Variants in ELAVL4 observed in about 807,000 individuals in gnomAD.
The protein encoded by ELAVL4 is ELAV-like protein 4.
A neutral mutation model predicts 35.6 loss-of-function variants in ELAVL4; 1 was observed. That is an observed-to-expected ratio of 0.03 (90% CI 0.01 to 0.13). The LOEUF (loss-of-function observed/expected upper bound fraction) is 0.13, where lower values mean the gene tolerates loss of function less well. ELAVL4 is among the 10% of genes least tolerant of loss of function. The pLI, the probability that ELAVL4 is intolerant of heterozygous loss-of-function variation, is 1.00. For synonymous variants in ELAVL4, 156 were observed against 171.0 expected, an observed-to-expected ratio of 0.91 and a Z score of 0.69; for missense variants, 267 against 464.9, an observed-to-expected ratio of 0.57 and a Z score of 3.91.
At chr1:50,087,396 T>C (rs1394274549) in intron 1 of ELAVL4, among the ~76,000 whole-genome samples, 2 of 152,214 alleles carry the variant, frequency 1.3e-5, no homozygotes, top group African/African-American at 4.8e-5. Context: ...TCTCACAATC[T>C]TCAGAGGTGT....
rs1285576866 is a variant in ELAVL4, at chr1:50,202,508, A to G, written c.*1330A>G. 1 of 152,134 alleles carries G rather than the reference A, an allele frequency of 6.6e-6. No individual in the cohort carries two copies. Among genetic ancestry groups the G allele is most frequent in the Non-Finnish European group, 1.5e-5 (1 of 67,998 alleles). 9.4% of individuals were successfully genotyped at this position (152,134 alleles called of 1,614,324 possible). On this transcript the variant is annotated 3_prime_UTR_variant, in exon 7 of 7. Transcript: ENST00000371824. ...TGTTGGTACATTTGAAACACTGTTTATGTTGCTTGAAACACTTATTTATTT... is the reference window on the plus strand; with the variant it reads ...TGTTGGTACATTTGAAACACTGTTTGTGTTGCTTGAAACACTTATTTATTT...
intron 3 of ELAVL4, among the ~76,000 whole-genome samples, chr1:50,192,563 ACT>A (rs1553190674): frequency 6.9e-6 from 1 of 144,438 alleles, no homozygotes; most frequent in South Asian, 2.2e-4. Context: ...ACACACACAC[ACT>A]CTCACCCCTA....
intron 2 of ELAVL4, among the ~76,000 whole-genome samples, chr1:50,151,612 G>A (rs1053054024): frequency 2.0e-5 from 3 of 152,160 alleles, no homozygotes; most frequent in Non-Finnish European, 4.4e-5. Flanking sequence ...ACATAAGACG[G>A]AAAGTGATTA....
intron 2 of ELAVL4, among the ~76,000 whole-genome samples, chr1:50,170,873 A>C (rs1678876194): frequency 1.3e-5 from 2 of 152,100 alleles, no homozygotes; most frequent in African/African-American, 4.8e-5. Flanking sequence ...TTTCTTAATA[A>C]ACAAATAAAT....
intron 3 of ELAVL4, among the ~76,000 whole-genome samples, chr1:50,179,386 G>A (rs1345624718): frequency 1.3e-5 from 2 of 152,164 alleles, no homozygotes; most frequent in African/African-American, 2.4e-5. Flanking sequence ...AAGTTTGAGT[G>A]ATAGGTTCCT....
Position 50,109,017 on chromosome 1 carries a change from C to CGGG in ELAVL4, c.-173_-172insGGG. The CGGG allele has an allele frequency of 5.6e-6, 3 of 539,664 alleles. No homozygotes were observed. The highest frequency in any genetic ancestry group is 6.9e-6 in the Non-Finnish European group (3 of 431,774). 33.4% of individuals were successfully genotyped at this position (539,664 alleles called of 1,614,324 possible). ...TCCTTTTCTTTTTTTTCTTTCTCTC[C>CGGG]CCCGCCCACCCCCCCAAAAATAATT... On this transcript the variant is annotated 5_prime_UTR_variant, in exon 1 of 7. Transcript: ENST00000371824.
chr1:50,162,375 T>G lies in ELAVL4; in HGVS notation c.251-14714T>G, dbSNP rs376720276. 5.6e-4 allele frequency among the ~76,000 whole-genome samples: 86 copies of G among 152,298 alleles called. 1 individual carries two copies. The highest frequency in any genetic ancestry group is 1.9e-3 in the African/African-American group (79 of 41,574). On this transcript the variant is annotated intron_variant, in intron 2 of 6. Coordinates refer to ENST00000371824, the MANE Select transcript of ELAVL4 (RefSeq NM_001144774.3). ...ACTCACGCGCCCGCCCTTAAGGAAC[T>G]TAGGGTCTATTGAGAAATACATTCA...
intron 2 of ELAVL4, among the ~76,000 whole-genome samples, chr1:50,172,566 C>T (rs1423034103): frequency 1.3e-5 from 2 of 152,160 alleles, no homozygotes; most frequent in African/African-American, 4.8e-5. Flanking sequence ...AACACAGCTA[C>T]ACTCATTTGT....
chr1:50,159,519 GA>G (rs1392583551), intron 2 of ELAVL4, among the ~76,000 whole-genome samples: 1 of 151,990 alleles, frequency 6.6e-6, no homozygotes, highest in Non-Finnish European at 1.5e-5. Flanking sequence ...TGAGGCACGA[GA>G]ATCACTTGAA....
chr1:50,114,882 A>C (rs1480560059), intron 1 of ELAVL4: 1 of 152,158 alleles, frequency 6.6e-6, no homozygotes, highest in African/African-American at 2.4e-5. Flanking sequence ...AGAACAAAAA[A>C]ATAAGACAGC....
chr1:50,066,414 T>G (rs1224757095), intron 1 of ELAVL4, among the ~76,000 whole-genome samples: 1 of 152,182 alleles, frequency 6.6e-6, no homozygotes, highest in African/African-American at 2.4e-5. Flanking sequence ...TCTTCAAGGC[T>G]TATGTTATTT....
At chr1:50,085,447 C>T (rs1245925256) in intron 1 of ELAVL4, among the ~76,000 whole-genome samples, 2 of 152,132 alleles carry the variant, frequency 1.3e-5, no homozygotes, top group African/African-American at 2.4e-5. Flanking sequence ...TAGAGAAGAG[C>T]GGCAAGTAGA....
chr1:50,061,474 A>G (rs1663968062), intron 1 of ELAVL4, among the ~76,000 whole-genome samples: 1 of 152,346 alleles, frequency 6.6e-6, no homozygotes, highest in African/African-American at 2.4e-5. Flanking sequence ...AACTCACAGT[A>G]AGACCAAATC....
chr1:50,160,374 T>C (rs978963492), intron 2 of ELAVL4, among the ~76,000 whole-genome samples: 1 of 152,208 alleles, frequency 6.6e-6, no homozygotes, highest in African/African-American at 2.4e-5. Flanking sequence ...ATTTCCTACC[T>C]GCAAGTTAAA....
chr1:50,106,532 G>A, upstream of ELAVL4: 1 of 643,714 alleles, frequency 1.6e-6, no homozygotes, highest in Non-Finnish European at 2.7e-6. Context: ...ATGACTGGGA[G>A]ACTCGCCTGC....
In ELAVL4 at chr1:50,195,551, C is replaced by A. The variant is rs1383047642; in HGVS notation, c.509-10C>A. 16 of 1,613,622 alleles carry A rather than the reference C, an allele frequency of 9.9e-6. No homozygotes were observed. The highest frequency in any genetic ancestry group is 1.4e-5 in the Non-Finnish European group (16 of 1,179,558). ...TTCACTCTTTACAAAGGCTCTTTCT[C>A]TTTCCCCAGGAGTGTCCAGAGGGGT... On this transcript the variant is annotated splice_polypyrimidine_tract_variant and intron_variant, in intron 4 of 6. Transcript: ENST00000371824.
chr1:50,174,349 C>T (rs1490938212), intron 2 of ELAVL4: 2 of 152,162 alleles, frequency 1.3e-5, no homozygotes, highest in African/African-American at 4.8e-5. Context: ...AATTCACAGG[C>T]AAGTTTTTCT....
chr1:50,142,210 G>GT (rs887904462), intron 1 of ELAVL4, among the ~76,000 whole-genome samples: 1 of 151,864 alleles, frequency 6.6e-6, no homozygotes, highest in African/African-American at 2.4e-5. Flanking sequence ...TTGTTTTTTT[G>GT]TTTTTTGAGA....
chr1:50,191,263 A>G (rs560042459), intron 3 of ELAVL4, among the ~76,000 whole-genome samples: 6 of 152,300 alleles, frequency 3.9e-5, no homozygotes, highest in African/African-American at 1.4e-4. Context: ...AATATTTGCT[A>G]AGAGAAGGCC....
Sources: allele counts gnomAD v4.1 joint callset (sites outside exome capture counted in the v4.1 genomes callset), GRCh38; gene constraint gnomAD v4.1.1; transcripts MANE v1.5; gene names NCBI Gene and HGNC (gene_info 2026-07-23, HGNC 2026-07-21).